C3: variants seen among roughly 807,000 people sequenced by gnomAD.
C3 encodes complement C3, also known as C3 and PZP-like alpha-2-macroglobulin domain-containing protein 1.
A neutral mutation model predicts 207.9 loss-of-function variants in C3; 97 were observed. That is an observed-to-expected ratio of 0.47 (90% CI 0.40 to 0.55). C3 has a LOEUF of 0.55. Ranked by LOEUF, C3 falls within the 20% of genes least tolerant of loss-of-function variation. C3 has a pLI of 0.00. For missense variants in C3, 1,684 were observed against 2,171.7 expected (o/e 0.78, Z 4.46); for synonymous variants, 848 against 857.6 (o/e 0.99, Z 0.20).
intron 29 of C3, 83 bp downstream of exon 29, chr19:6,686,031 TGCCTCGCTGG>T: frequency 3.9e-6 from 5 of 1,291,376 alleles, no homozygotes; most frequent in South Asian, 1.2e-5. Flanking sequence ...AATGAAGAAC[TGCCTCGCTGG>T]GCCTCAGTGT....
intron 19 of C3, among the ~76,000 whole-genome samples, chr19:6,698,371 G>A (rs1022946042): frequency 1.3e-5 from 2 of 152,072 alleles, no homozygotes; most frequent in Admixed American, 6.6e-5. Flanking sequence ...AGAGATCTAC[G>A]TGTAGGGAGG....
intron 33 of C3, chr19:6,682,624 G>A (rs758138191): frequency 3.5e-5 from 10 of 283,332 alleles, no homozygotes; most frequent in South Asian, 7.7e-5. Flanking sequence ...TATTGATCAC[G>A]AGTAGTTGCA....
rs150763358 is a variant in C3 at position 6,694,594 on chromosome 19, C to G, written c.2991G>C (p.Ala997=). 3 of 1,613,672 alleles carry G rather than the reference C, an allele frequency of 1.9e-6. 1 individual carries two copies. In the South Asian group the frequency reaches 3.3e-5, roughly 18 times the overall value. Residue 997 remains alanine, a synonymous_variant, in exon 24 of 41, where the codon GCG becomes GCC. Transcript: ENST00000245907. ...TCACAATGAGGTGCTTCAGCCGTTC[C>G]GCGTCGACGGCATCCTCTGTCATCT... ...VAQMTEDAVD[A]ERLKHLIVTP...
At chr19:6,709,991 AAGGGAGAGAGGGAGGGAGAGAG>A in intron 13 of C3, 149 bp from the exon 14 acceptor site, 1 of 339,988 alleles carries the variant, frequency 2.9e-6, no homozygotes, top group Non-Finnish European at 5.1e-6. Context: ...GAGAGAGAGA[AAGGGAGAGAGGGAGGGAGAGAG>A]AGGGAGAGAG....
chr19:6,692,307 T>C (rs1358863691), intron 26 of C3, among the ~76,000 whole-genome samples: 1 of 152,206 alleles, frequency 6.6e-6, no homozygotes, highest in Non-Finnish European at 1.5e-5. Context: ...GTGCTGTTGC[T>C]GCCGCTGGTC....
In C3 at chr19:6,678,137, A is replaced by C. The variant is rs781676250; in HGVS notation, c.4850+15T>G. On this transcript the variant is annotated intron_variant, in intron 40 of 40. Coordinates refer to ENST00000245907, the MANE Select transcript of C3 (RefSeq NM_000064.4). ...CAGTCGGGCGGTCGCGCGCACGCGC[A>C]GGGAAAGCACTCACTTGGGCTTCTC... 1.9e-6 allele frequency: 3 copies of C among 1,614,070 alleles called. No homozygotes were observed. The East Asian group carries it at 6.7e-5, about 36-fold the overall frequency.
chr19:6,693,481 G>T lies in C3; in HGVS notation c.3161C>A (p.Thr1054Asn). Residue 1054 changes from threonine (T) to asparagine (N), a missense_variant, in exon 25 of 41, where the codon ACC becomes AAC. By Grantham distance (65) the Thr-to-Asn change is moderately conservative. Transcript: ENST00000245907. Reference protein sequence around the residue: ...GALELIKKGYTQQLAFRQPSS... With the variant: ...GALELIKKGYNQQLAFRQPSS... ...GGGTTGTCTGAAGGCCAGCTGCTGG[G>T]TGTACCCTGCAGAGAAGAGAGAGGA... The T allele has an allele frequency of 6.2e-7, 1 of 1,612,094 alleles. No homozygotes were observed. The highest frequency in any genetic ancestry group is 2.2e-5 in the East Asian group (1 of 44,836).
intron 28 of C3, 93 bp downstream of exon 28, chr19:6,686,653 C>T: frequency 3.7e-6 from 5 of 1,348,652 alleles, no homozygotes; most frequent in Middle Eastern, 2.5e-4. Context: ...TCATCTGTCC[C>T]AGCTCAGCTA....
Position 6,697,793 on chromosome 19 carries a change from C to T in C3, c.2442G>A (p.Gly814=). 6.2e-7 allele frequency: 1 copy of T among 1,612,436 alleles called. No individual in the cohort carries two copies. Among genetic ancestry groups the T allele is most frequent in the East Asian group, 2.2e-5 (1 of 44,838 alleles). Residue 814 remains glycine, a splice_region_variant and synonymous_variant, in exon 20 of 41, where the codon GGG becomes GGA. Transcript: ENST00000245907. ...CCTCGAAGGGGTCTGCCACACAGAT[C>T]CCTGCTCGGGCAGAGACAGAACACG... ...ILAVSMSDKK[G]ICVADPFEVT...
chr19:6,708,265 T>C (rs986151786), intron 14 of C3, among the ~76,000 whole-genome samples: 3 of 151,862 alleles, frequency 2.0e-5, no homozygotes, highest in African/African-American at 4.8e-5. Flanking sequence ...GCCTCCCGAG[T>C]ATCTGGGACT....
rs746085258 is a variant in C3 at position 6,707,811 on chromosome 19, G to A, written c.1964C>T (p.Ala655Val). 2 of 1,613,634 alleles carry A rather than the reference G, an allele frequency of 1.2e-6. No homozygotes were observed. The highest frequency in any genetic ancestry group is 3.3e-5 in the Admixed American group (2 of 60,020). Residue 655 changes from alanine (A) to valine (V), a missense_variant, in exon 15 of 41, where the codon GCC becomes GTC. By Grantham distance (64) the Ala-to-Val change is moderately conservative. Coordinates refer to ENST00000245907, the MANE Select transcript of C3 (RefSeq NM_000064.4). The part of the protein sequence containing the change: ...TFTSSSGQQT[A>V]QRAELQCPQP... ...GGTGGCGACCTCACCTGCCCTCTGG[G>A]CGGTCTGCTGGCCACTGCTGCTCGT... is the stretch of plus-strand genomic sequence containing the variant.
At chr19:6,690,532 A>G in intron 27 of C3, 97 bp downstream of exon 27, 1 of 885,732 alleles carries the variant, frequency 1.1e-6, no homozygotes, top group Non-Finnish European at 1.9e-6. Context: ...GCACTGGGAG[A>G]GCTGCAAATT....
At chr19:6,689,689 T>C (rs952345520) in intron 27 of C3, among the ~76,000 whole-genome samples, 1 of 150,516 alleles carries the variant, frequency 6.6e-6, no homozygotes, top group African/African-American at 2.5e-5. Context: ...CTACTAAAAA[T>C]ACAACAATTA....
chr19:6,708,366 ACCTGAAATGATTCG>A (rs1967829588), intron 14 of C3, among the ~76,000 whole-genome samples: 1 of 151,950 alleles, frequency 6.6e-6, no homozygotes, highest in Non-Finnish European at 1.5e-5. Flanking sequence ...CGAACTCCTG[ACCTGAAATGATTCG>A]CCTGTCTTGG....
chr19:6,704,375 C>A (rs1197117635), intron 17 of C3, among the ~76,000 whole-genome samples: 1 of 152,192 alleles, frequency 6.6e-6, no homozygotes, highest in Non-Finnish European at 1.5e-5. Flanking sequence ...TCAAACTGCA[C>A]TTTCCTCAAA....
At chr19:6,702,322 G>T in intron 18 of C3, 110 bp from the exon 19 acceptor site, 1 of 946,382 alleles carries the variant, frequency 1.1e-6, no homozygotes, top group Non-Finnish European at 1.7e-6. Context: ...GTCTGGGGGT[G>T]CCTCCATGTA....
chr19:6,704,577 G>A (rs969567238), intron 17 of C3, among the ~76,000 whole-genome samples: 8 of 152,074 alleles, frequency 5.3e-5, no homozygotes, highest in Admixed American at 5.2e-4. Flanking sequence ...TGGCCAACAC[G>A]GTGAAACCTC....
At chr19:6,712,176 G>A (rs979640698) in intron 11 of C3, 81 bp downstream of exon 11, 35 of 1,554,346 alleles carry the variant, frequency 2.3e-5, no homozygotes, top group Middle Eastern at 2.3e-4. Flanking sequence ...GTATGCAAAT[G>A]ACAGGACCCC....
Position 6,707,531 on chromosome 19 carries a change from T to G in C3, c.1982A>C (p.Gln661Pro). The G allele has an allele frequency of 3.1e-6, 5 of 1,613,990 alleles. No individual in the cohort carries two copies. Among genetic ancestry groups the G allele is most frequent in the Non-Finnish European group, 4.2e-6 (5 of 1,179,946 alleles). Residue 661 changes from glutamine to proline, a missense_variant, in exon 16 of 41, where the codon CAG becomes CCG. Coordinates refer to ENST00000245907, the MANE Select transcript of C3 (RefSeq NM_000064.4). ...GQQTAQRAEL[Q>P]CPQPAARRRR... ...TCGGCGGGCGGCTGGCTGCGGGCAC[T>G]GAAGTTCTGCAGGGCAGGCGGACCG... is the stretch of plus-strand genomic sequence containing the variant.
Sources: gnomAD v4.1 joint callset for allele counts (sites outside exome capture counted in the v4.1 genomes callset) on GRCh38, gnomAD v4.1.1 for gene constraint, MANE v1.5 for transcripts, NCBI Gene and HGNC (gene_info 2026-07-23, HGNC 2026-07-21) for gene names.